Variants in HIP1 observed in about 807,000 individuals in gnomAD.
HIP1 encodes the protein huntingtin interacting protein 1.
A neutral mutation model predicts 147.6 loss-of-function variants in HIP1; 65 were observed. That is an observed-to-expected ratio of 0.44 (90% CI 0.36 to 0.54). The LOEUF (loss-of-function observed/expected upper bound fraction) is 0.54, where lower values mean the gene tolerates loss of function less well. Among genes scored for constraint, HIP1 ranks in the 20% least tolerant of loss-of-function variants. The probability of loss-of-function intolerance (pLI) is 0.00; values close to 1 mark genes in which losing one functional copy is unlikely to be tolerated. For missense variants in HIP1, 1,061 were observed against 1,299.6 expected (o/e 0.82, Z 2.82); for synonymous variants, 479 against 504.0 (o/e 0.95, Z 0.67).
At chr7:75,599,635 C>T (rs1233005393) in intron 1 of HIP1, among the ~76,000 whole-genome samples, 2 of 152,120 alleles carry the variant, frequency 1.3e-5, no homozygotes, top group Non-Finnish European at 2.9e-5. Flanking sequence ...CGACCGTGGC[C>T]CAAGAGCATC....
intron 8 of HIP1, 75 bp downstream of exon 8, chr7:75,573,686 C>G (rs1795731222): frequency 6.8e-7 from 1 of 1,474,234 alleles, no homozygotes; most frequent in Admixed American, 1.8e-5. Flanking sequence ...CTGCGTTTCT[C>G]TGGGGACATC....
chr7:75,603,401 C>T (rs1336616972), intron 1 of HIP1, among the ~76,000 whole-genome samples: 2 of 151,378 alleles, frequency 1.3e-5, no homozygotes, highest in Non-Finnish European at 2.9e-5. Flanking sequence ...TATTGCCCTA[C>T]CTTGCAAGAC....
At chr7:75,648,227 G>A (rs947993204) in intron 1 of HIP1, among the ~76,000 whole-genome samples, 1 of 152,050 alleles carries the variant, frequency 6.6e-6, no homozygotes, top group Non-Finnish European at 1.5e-5. Flanking sequence ...TGAAGTAGCT[G>A]GGACTAGTTG....
At chr7:75,594,569 A>T (rs587730415) in intron 2 of HIP1, among the ~76,000 whole-genome samples, 562 of 151,902 alleles carry the variant, frequency 3.7e-3, no homozygotes, top group South Asian at 6.3e-3. Context: ...AGGTCAGGAG[A>T]TCAAGACCAG....
intron 9 of HIP1, among the ~76,000 whole-genome samples, chr7:75,564,096 T>G (rs1795325531): frequency 1.3e-5 from 2 of 152,148 alleles, no homozygotes; most frequent in African/African-American, 4.8e-5. Context: ...CTTGCTGTGT[T>G]GCCCAGGCTG....
intron 1 of HIP1, among the ~76,000 whole-genome samples, chr7:75,646,679 G>A (rs1194668625): frequency 1.3e-5 from 2 of 152,222 alleles, no homozygotes; most frequent in Non-Finnish European, 2.9e-5. Flanking sequence ...GCACAGCAAG[G>A]GCTGAGATCA....
intron 1 of HIP1, among the ~76,000 whole-genome samples, chr7:75,700,305 C>G (rs1157012454): frequency 6.6e-6 from 1 of 152,152 alleles, no homozygotes; most frequent in East Asian, 1.9e-4. Context: ...GCAACTCGAA[C>G]CCAGCAATCA....
intron 1 of HIP1, among the ~76,000 whole-genome samples, chr7:75,634,255 G>T (rs1554509337): frequency 6.8e-6 from 1 of 147,212 alleles, no homozygotes; most frequent in East Asian, 2.0e-4. Context: ...GTGAGACCTT[G>T]TCTCTAAAAA....
intron 1 of HIP1, among the ~76,000 whole-genome samples, chr7:75,623,669 C>T (rs1318347377): frequency 6.6e-6 from 1 of 152,234 alleles, no homozygotes; most frequent in Non-Finnish European, 1.5e-5. Flanking sequence ...GAGAAAGGAA[C>T]TAAGCCAGCC....
At chr7:75,638,428 C>A (rs1242931081) in intron 1 of HIP1, among the ~76,000 whole-genome samples, 2 of 152,080 alleles carry the variant, frequency 1.3e-5, no homozygotes, top group African/African-American at 4.8e-5. Flanking sequence ...CAGACCCCTC[C>A]AGAGGAGCCC....
intron 1 of HIP1, among the ~76,000 whole-genome samples, chr7:75,624,373 A>G (rs1276452474): frequency 6.6e-6 from 1 of 152,236 alleles, no homozygotes; most frequent in Non-Finnish European, 1.5e-5. Flanking sequence ...CAAAGCTGCC[A>G]GAAACTCTCC....
At chr7:75,635,577 C>CAAAAAA (rs144914669) in intron 1 of HIP1, among the ~76,000 whole-genome samples, 4 of 69,792 alleles carry the variant, frequency 5.7e-5, no homozygotes, top group Admixed American at 1.7e-4. Context: ...GACTCCATCT[C>CAAAAAA]AAAAAAAAAA....
intron 1 of HIP1, among the ~76,000 whole-genome samples, chr7:75,718,529 AAAAC>A (rs1465645664): frequency 6.6e-6 from 1 of 152,228 alleles, no homozygotes; most frequent in African/African-American, 2.4e-5. Flanking sequence ...AATAAAACGC[AAAAC>A]AAACAAATCA....
intron 24 of HIP1, among the ~76,000 whole-genome samples, chr7:75,547,519 C>T (rs1291370017): frequency 6.6e-6 from 1 of 152,182 alleles, no homozygotes; most frequent in Non-Finnish European, 1.5e-5. Flanking sequence ...CCTCCCTCCT[C>T]AGCCTCCCAA....
chr7:75,587,912 T>C (rs376718009), intron 4 of HIP1, among the ~76,000 whole-genome samples: 1 of 152,146 alleles, frequency 6.6e-6, no homozygotes, highest in East Asian at 1.9e-4. Context: ...TGCAGTGAGC[T>C]GTGATCATGT....
At chr7:75,707,421 T>A (rs1323853094) in intron 1 of HIP1, among the ~76,000 whole-genome samples, 21 of 96,916 alleles carry the variant, frequency 2.2e-4, no homozygotes, top group Non-Finnish European at 4.1e-5. Flanking sequence ...TTTGGCTGCA[T>A]AAATGTCTTC....
chr7:75,687,454 G>A (rs1004911603), intron 1 of HIP1, among the ~76,000 whole-genome samples: 10 of 152,194 alleles, frequency 6.6e-5, no homozygotes, highest in Admixed American at 3.3e-4. Flanking sequence ...CACTTTGGGA[G>A]GCCAAGGCGG....
chr7:75,543,655 T>C (rs1474491464), intron 27 of HIP1, among the ~76,000 whole-genome samples: 1 of 152,130 alleles, frequency 6.6e-6, no homozygotes, highest in East Asian at 1.9e-4. Flanking sequence ...ATTTGAACAC[T>C]AATAAAGAGG....
intron 1 of HIP1, among the ~76,000 whole-genome samples, chr7:75,668,634 C>A (rs1334360670): frequency 1.3e-5 from 2 of 152,046 alleles, no homozygotes; most frequent in African/African-American, 4.8e-5. Context: ...CGGGACTTCC[C>A]AACTTTTCAA....
Sources: allele counts gnomAD v4.1 joint callset (sites outside exome capture counted in the v4.1 genomes callset), GRCh38; gene constraint gnomAD v4.1.1; transcripts MANE v1.5; gene names NCBI Gene and HGNC (gene_info 2026-07-23, HGNC 2026-07-21).